Variants in ARHGEF10L observed in about 807,000 individuals in gnomAD.
ARHGEF10L encodes the protein rho guanine nucleotide exchange factor 10-like protein.
A neutral mutation model predicts 141.2 loss-of-function variants in ARHGEF10L; 69 were observed. The ratio of observed to expected loss-of-function variants is 0.49; its 90% CI spans 0.40 to 0.60. The LOEUF is 0.60. ARHGEF10L is among the 20% of genes least tolerant of loss of function. ARHGEF10L has a pLI of 0.00. For synonymous variants in ARHGEF10L, 711 were observed against 718.5 expected, an observed-to-expected ratio of 0.99 and a Z score of 0.17; for missense variants, 1,482 against 1,734.3, an observed-to-expected ratio of 0.85 and a Z score of 2.58.
intron 6 of ARHGEF10L, among the ~76,000 whole-genome samples, chr1:17,606,622 A>C (rs1037678458): frequency 4.6e-5 from 7 of 151,010 alleles, no homozygotes; most frequent in African/African-American, 1.7e-4. Flanking sequence ...TTTTAAAAAA[A>C]CACAAAAACA....
chr1:17,599,682 C>T (rs1017148373), intron 4 of ARHGEF10L, among the ~76,000 whole-genome samples: 5 of 152,152 alleles, frequency 3.3e-5, no homozygotes, highest in African/African-American at 9.7e-5. Flanking sequence ...CCTCTCTTGG[C>T]CTTTACTTCC....
intron 16 of ARHGEF10L, 159 bp from the exon 17 acceptor site, chr1:17,634,389 C>T (rs2060876237): frequency 5.9e-6 from 7 of 1,190,378 alleles, no homozygotes; most frequent in African/African-American, 3.0e-5. Flanking sequence ...CGCTTCTGTC[C>T]ACACCTGGCC....
At chr1:17,687,386 A>G (rs1175566810) in intron 26 of ARHGEF10L, among the ~76,000 whole-genome samples, 187 bp from the exon 27 acceptor site, 2 of 152,240 alleles carry the variant, frequency 1.3e-5, no homozygotes, top group African/African-American at 4.8e-5. Flanking sequence ...TGGCCAACAC[A>G]GCACAGCTGG....
intron 19 of ARHGEF10L, among the ~76,000 whole-genome samples, chr1:17,638,277 G>A (rs748497780): frequency 2.0e-5 from 3 of 152,206 alleles, no homozygotes; most frequent in Admixed American, 1.3e-4. Flanking sequence ...TGGCCATTCC[G>A]TTATGTGGCC....
chr1:17,559,511 G>T (rs1009861361), intron 1 of ARHGEF10L, among the ~76,000 whole-genome samples: 1 of 152,162 alleles, frequency 6.6e-6, no homozygotes, highest in East Asian at 1.9e-4. Context: ...CCCCAGGGCC[G>T]CTGGGAGGAG....
the ARHGEF10L span, among the ~76,000 whole-genome samples, chr1:17,519,157 A>G: frequency 6.6e-6 from 1 of 151,956 alleles, no homozygotes; most frequent in Non-Finnish European, 1.5e-5. Context: ...CCTGGGCAAC[A>G]AGAGTGAAAC....
At chr1:17,564,964 C>A (rs1419880802) in intron 1 of ARHGEF10L, among the ~76,000 whole-genome samples, 3 of 152,206 alleles carry the variant, frequency 2.0e-5, no homozygotes, top group Non-Finnish European at 2.9e-5. Context: ...GCAAAGGCAG[C>A]ACCCGGGCAC....
chr1:17,527,366 C>T, the ARHGEF10L span, among the ~76,000 whole-genome samples: 29 of 152,178 alleles, frequency 1.9e-4, 2 homozygotes, highest in Admixed American at 7.9e-4. Flanking sequence ...AGCCTCCTGG[C>T]GGGTGCTCCA....
chr1:17,595,057 T>C (rs1176717309), intron 4 of ARHGEF10L, among the ~76,000 whole-genome samples: 3 of 152,106 alleles, frequency 2.0e-5, no homozygotes, highest in African/African-American at 7.2e-5. Context: ...AAATACAGTT[T>C]GTTGTAGAAA....
Position 17,639,965 on chromosome 1 carries a change from T to C in ARHGEF10L, c.2172-237T>C. On this transcript the variant is annotated intron_variant, in intron 20 of 28. Transcript: ENST00000361221. This position sits in a 1 kb window ranked among gnomAD's most constrained non-coding sequence, Gnocchi z 4.3. ...CTGGAGCCAGGCTGGGGAGCGTGGC[T>C]CAGCCACCCTGGCCAGGTACCTCCC... The C allele has an allele frequency of 6.7e-7, 1 of 1,494,786 alleles. No homozygotes were observed. Among genetic ancestry groups the C allele is most frequent in the Non-Finnish European group, 8.9e-7 (1 of 1,122,044 alleles). The allele number at this position is 1,494,786 out of a possible 1,614,324, so 92.6% of individuals were successfully genotyped here. A position where few individuals can be genotyped will look rare whatever the true frequency, so the allele number is the denominator to read the frequency against.
chr1:17,521,652 G>A, the ARHGEF10L span, among the ~76,000 whole-genome samples: 6 of 152,150 alleles, frequency 3.9e-5, no homozygotes, highest in Non-Finnish European at 5.9e-5. Flanking sequence ...ATTTTACAGC[G>A]GAGGAAACAG....
intron 26 of ARHGEF10L, among the ~76,000 whole-genome samples, chr1:17,681,480 G>C (rs1270352173): frequency 6.6e-6 from 1 of 152,146 alleles, no homozygotes; most frequent in African/African-American, 2.4e-5. Context: ...TTTTAATCTA[G>C]AATAATCCCT....
rs890037341 is a variant in ARHGEF10L, at chr1:17,623,851, G to A, written c.1201-536G>A. On this transcript the variant is annotated intron_variant, in intron 12 of 28. Coordinates refer to ENST00000361221, the MANE Select transcript of ARHGEF10L (RefSeq NM_018125.4). The surrounding 1 kb of genome is among the most constrained non-coding windows in gnomAD (Gnocchi z 4.7). ...CTTTTTTTTGAAAGCCACAGCGCTC[G>A]ATAGAGTCACTGAATAGGTCTGATG... is the stretch of plus-strand genomic sequence containing the variant. 6.6e-6 allele frequency among the ~76,000 whole-genome samples: 1 copy of A among 152,200 alleles called. No individual in the cohort carries two copies. Among genetic ancestry groups the A allele is most frequent in the African/African-American group, 2.4e-5 (1 of 41,460 alleles).
At position 17,648,644 on chromosome 1, in the gene ARHGEF10L, C is replaced by G. The variant is rs757450628; in HGVS notation, c.2363C>G (p.Pro788Arg). ...FWCPILACCIPAFSSRALSLQ... is the reference protein window; with the variant it reads ...FWCPILACCIRAFSSRALSLQ... ...TGCCCGATCCTGGCCTGCTGCATCC[C>G]TGCCTTCTCCTCCCGGGCACTCAGC... Residue 788 changes from proline to arginine, a missense_variant, in exon 22 of 29, where the codon CCT (proline) becomes CGT (arginine). Pro to Arg is a moderately radical substitution (Grantham distance 103, BLOSUM62 -2). Coordinates refer to ENST00000361221, the MANE Select transcript of ARHGEF10L (RefSeq NM_018125.4). 6.2e-7 allele frequency: 1 copy of G among 1,612,994 alleles called. No individual in the cohort carries two copies. The highest frequency in any genetic ancestry group is 1.1e-5 in the South Asian group (1 of 91,026).
chr1:17,640,264 C>A lies in ARHGEF10L; in HGVS notation c.2234C>A (p.Ser745Tyr). ...ACCCCCAACCCCCTGAGCAAGATTT[C>A]CTGGGTCAACAGGTTACATTTGGCC... ...FITPNPLSKI[S>Y]WVNRLHLAKI... The change falls in exon 21 of 29, where the codon TCC (serine) becomes TAC (tyrosine). Residue 745 changes from serine (S) to tyrosine (Y), a missense_variant. By Grantham distance (144) the Ser-to-Tyr change is moderately radical (BLOSUM62 -2). Coordinates refer to ENST00000361221, the MANE Select transcript of ARHGEF10L (RefSeq NM_018125.4). 1 of 1,613,266 alleles carries A rather than the reference C, an allele frequency of 6.2e-7. No individual in the cohort carries two copies. The highest frequency in any genetic ancestry group is 2.2e-5 in the East Asian group (1 of 44,894).
At chr1:17,680,688 G>A (rs1356247976) in intron 26 of ARHGEF10L, among the ~76,000 whole-genome samples, 2 of 151,656 alleles carry the variant, frequency 1.3e-5, no homozygotes, top group African/African-American at 4.8e-5. Context: ...TCACTGGGTA[G>A]TGGGGATCTG....
In ARHGEF10L at chr1:17,697,556, G is replaced by A; in HGVS notation, c.*176G>A. Reference sequence around the variant, plus strand: ...AAAAATTTTTTTCAGAGTGTTTTGGGGAGGAGTTTTAGGGCTTGGGGAGAG... The same window carrying A: ...AAAAATTTTTTTCAGAGTGTTTTGGAGAGGAGTTTTAGGGCTTGGGGAGAG... On this transcript the variant is annotated 3_prime_UTR_variant, in exon 29 of 29. Transcript: ENST00000361221. This position sits in a 1 kb window ranked among gnomAD's most constrained non-coding sequence, Gnocchi z 4.8. 1 of 874,668 alleles carries A rather than the reference G, an allele frequency of 1.1e-6. No homozygotes were observed. Among genetic ancestry groups the A allele is most frequent in the Non-Finnish European group, 1.7e-6 (1 of 573,084 alleles). 54.2% of individuals were successfully genotyped at this position (874,668 alleles called of 1,614,324 possible). A position where few individuals can be genotyped will look rare whatever the true frequency, so the allele number is the denominator to read the frequency against.
the ARHGEF10L span, among the ~76,000 whole-genome samples, chr1:17,516,615 T>A: frequency 3.6e-3 from 553 of 152,202 alleles, 4 homozygotes; most frequent in African/African-American, 0.012. Context: ...CCTTCCCAGG[T>A]GGAGCTCTGG....
At chr1:17,647,139 G>A (rs2061653091) in intron 21 of ARHGEF10L, among the ~76,000 whole-genome samples, 1 of 152,164 alleles carries the variant, frequency 6.6e-6, no homozygotes, top group Non-Finnish European at 1.5e-5. Flanking sequence ...AGGCCTCTGC[G>A]ATGGAGCATC....
Sources: gnomAD v4.1 joint callset for allele counts (sites outside exome capture counted in the v4.1 genomes callset) on GRCh38, gnomAD v4.1.1 for gene constraint, Gnocchi (gnomAD v3.1) non-coding constraint, MANE v1.5 for transcripts, NCBI Gene and HGNC (gene_info 2026-07-23, HGNC 2026-07-21) for gene names.